Variants in BAZ2B observed in about 807,000 individuals in gnomAD.
BAZ2B encodes the protein bromodomain adjacent to zinc finger domain 2B, also known as bromodomain adjacent to zinc finger domain protein 2B.
In BAZ2B, 91 loss-of-function variants were observed where a neutral mutation model predicts 246.0. That is an observed-to-expected ratio of 0.37 (90% confidence interval 0.31 to 0.44). BAZ2B has a LOEUF of 0.44. Among genes scored for constraint, BAZ2B ranks in the 20% least tolerant of loss-of-function variants. BAZ2B has a pLI of 1.00. For missense variants in BAZ2B, 2,332 were observed against 2,533.7 expected, an observed-to-expected ratio of 0.92 and a Z score of 1.71; for synonymous variants, 855 against 860.0, an observed-to-expected ratio of 0.99 and a Z score of 0.10.
At chr2:159,395,945 G>T in intron 19 of BAZ2B, 111 bp from the exon 20 acceptor site, 1 of 889,270 alleles carries the variant, frequency 1.1e-6, no homozygotes, top group Non-Finnish European at 1.7e-6. Context: ...AGCATGTTTA[G>T]CATTTATAGA....
At chr2:159,626,408 T>C in the BAZ2B span, among the ~76,000 whole-genome samples, 16 of 152,128 alleles carry the variant, frequency 1.1e-4, no homozygotes, top group African/African-American at 2.7e-4. Flanking sequence ...TATTCTAAAA[T>C]TGACCACATA....
chr2:159,705,671 T>C, the BAZ2B span, among the ~76,000 whole-genome samples: 1 of 152,166 alleles, frequency 6.6e-6, no homozygotes, highest in South Asian at 2.1e-4. Flanking sequence ...ACAAAAATGA[T>C]AAATTTTTTA....
At chr2:159,677,293 T>A in the BAZ2B span, among the ~76,000 whole-genome samples, 1 of 151,948 alleles carries the variant, frequency 6.6e-6, no homozygotes, top group South Asian at 2.1e-4. Flanking sequence ...TTTTCCAATA[T>A]TTTTTCTAAA....
intron 18 of BAZ2B, among the ~76,000 whole-genome samples, chr2:159,397,626 C>G (rs1405958653): frequency 1.3e-5 from 2 of 152,156 alleles, no homozygotes; most frequent in Non-Finnish European, 2.9e-5. Context: ...AAGGATCTTT[C>G]TTCAGTAGTC....
chr2:159,670,026 A>G, the BAZ2B span, among the ~76,000 whole-genome samples: 1 of 151,832 alleles, frequency 6.6e-6, no homozygotes, highest in Non-Finnish European at 1.5e-5. Flanking sequence ...GCTGGAGTGC[A>G]GTGGTGTGAC....
chr2:159,338,923 A>G (rs751260550), intron 31 of BAZ2B, among the ~76,000 whole-genome samples: 2 of 152,188 alleles, frequency 1.3e-5, no homozygotes, highest in Admixed American at 6.5e-5. Context: ...ATATATGTAT[A>G]TGTCTGATCT....
the BAZ2B span, among the ~76,000 whole-genome samples, chr2:159,654,413 TCTGA>T: frequency 6.6e-6 from 1 of 152,028 alleles, no homozygotes; most frequent in African/African-American, 2.4e-5. Context: ...TGAACTGAGA[TCTGA>T]CTAATTTAGA....
chr2:159,497,331 C>A (rs933332388), intron 2 of BAZ2B, among the ~76,000 whole-genome samples: 6 of 152,204 alleles, frequency 3.9e-5, no homozygotes, highest in African/African-American at 1.2e-4. Flanking sequence ...CCACCCTCCA[C>A]CTCCATCCAG....
intron 3 of BAZ2B, chr2:159,462,700 TGTAGGTG>T (rs1389335228): frequency 2.1e-5 from 28 of 1,361,850 alleles, no homozygotes; most frequent in Non-Finnish European, 2.7e-5. Context: ...CCACCTGGGC[TGTAGGTG>T]GTGTGATGGT....
chr2:159,602,036 G>A (rs989879898), intron 1 of BAZ2B, among the ~76,000 whole-genome samples: 3 of 152,046 alleles, frequency 2.0e-5, no homozygotes, highest in Non-Finnish European at 4.4e-5. Flanking sequence ...ATCAACAGTC[G>A]GTAGGATGTT....
At chr2:159,701,988 A>C in the BAZ2B span, among the ~76,000 whole-genome samples, 2 of 152,138 alleles carry the variant, frequency 1.3e-5, no homozygotes. Context: ...TCAGCCTCCC[A>C]AAGTGCTGGG....
At chr2:159,513,158 C>T (rs1250115570) in intron 2 of BAZ2B, among the ~76,000 whole-genome samples, 1 of 152,062 alleles carries the variant, frequency 6.6e-6, no homozygotes, top group Non-Finnish European at 1.5e-5. Flanking sequence ...TATGTAAAAG[C>T]AGATAGTACA....
At chr2:159,459,791 A>T (rs2076192300) in intron 3 of BAZ2B, 1 of 152,146 alleles carries the variant, frequency 6.6e-6, no homozygotes, top group Non-Finnish European at 1.5e-5. Context: ...TCACTTTTAG[A>T]AAAGAAAATG....
intron 27 of BAZ2B, among the ~76,000 whole-genome samples, chr2:159,372,620 GA>G (rs2060974387): frequency 6.6e-6 from 1 of 152,230 alleles, no homozygotes; most frequent in African/African-American, 2.4e-5. Context: ...AACAAGATTT[GA>G]AAAGGAATGA....
the BAZ2B span, among the ~76,000 whole-genome samples, chr2:159,638,238 T>A: frequency 2.0e-5 from 3 of 152,232 alleles, no homozygotes; most frequent in African/African-American, 7.2e-5. Context: ...GGGGCCCAAG[T>A]CCCTTTGAAT....
intron 6 of BAZ2B, among the ~76,000 whole-genome samples, chr2:159,441,310 A>G (rs574734592): frequency 2.6e-5 from 4 of 152,348 alleles, no homozygotes; most frequent in African/African-American, 9.6e-5. Context: ...CCCCAGGAAC[A>G]GTCATCCAGA....
chr2:159,397,144 G>A, intron 19 of BAZ2B: 2 of 1,480,370 alleles, frequency 1.4e-6, no homozygotes, highest in Non-Finnish European at 1.8e-6. Flanking sequence ...AGAAATCACA[G>A]AGTCATAAAA....
intron 1 of BAZ2B, among the ~76,000 whole-genome samples, chr2:159,571,724 G>C (rs1473830053): frequency 6.6e-6 from 1 of 152,160 alleles, no homozygotes; most frequent in African/African-American, 2.4e-5. Context: ...CTGGAGGCTG[G>C]GAAGTCCAAG....
chr2:159,472,803 G>A (rs1381356434), intron 3 of BAZ2B, among the ~76,000 whole-genome samples: 1 of 152,192 alleles, frequency 6.6e-6, no homozygotes, highest in Non-Finnish European at 1.5e-5. Flanking sequence ...ATTTGTGTAT[G>A]TTGAACCAGC....
Sources: gnomAD v4.1 joint callset for allele counts (sites outside exome capture counted in the v4.1 genomes callset) on GRCh38, gnomAD v4.1.1 for gene constraint, MANE v1.5 for transcripts, NCBI Gene and HGNC (gene_info 2026-07-23, HGNC 2026-07-21) for gene names.